FGGY: variants seen among roughly 807,000 people sequenced by gnomAD.
The protein encoded by FGGY is FGGY carbohydrate kinase domain containing.
A neutral mutation model predicts 71.3 loss-of-function variants in FGGY; 72 were observed. That is an observed-to-expected ratio of 1.01 (90% CI 0.84 to 1.23). The LOEUF is 1.23. Among genes scored for constraint, FGGY ranks in the 50% most tolerant of loss-of-function variants. The pLI is 0.00. For missense variants in FGGY, 668 were observed against 682.3 expected (o/e 0.98, Z 0.23); for synonymous variants, 251 against 250.3 (o/e 1.00, Z -0.02).
chr1:59,465,442 G>C (rs1443458445), intron 6 of FGGY, among the ~76,000 whole-genome samples: 2 of 152,040 alleles, frequency 1.3e-5, no homozygotes, highest in Non-Finnish European at 2.9e-5. Flanking sequence ...TTGGAAAACT[G>C]GCACAAGACA....
chr1:59,522,388 G>A (rs555734088), intron 7 of FGGY, among the ~76,000 whole-genome samples: 2 of 152,142 alleles, frequency 1.3e-5, no homozygotes, highest in South Asian at 2.1e-4. Flanking sequence ...CCTTCTGGAC[G>A]TTTGTAGATC....
At chr1:59,456,600 C>A (rs1191012586) in intron 5 of FGGY, among the ~76,000 whole-genome samples, 1 of 152,076 alleles carries the variant, frequency 6.6e-6, no homozygotes, top group Non-Finnish European at 1.5e-5. Flanking sequence ...AGGCATCCAC[C>A]ACCAAGCCTG....
intron 7 of FGGY, among the ~76,000 whole-genome samples, chr1:59,539,385 A>T (rs1172219618): frequency 1.3e-5 from 2 of 152,208 alleles, no homozygotes; most frequent in Non-Finnish European, 2.9e-5. Context: ...AGTAATTAAG[A>T]ATGGTATTGA....
At chr1:59,383,304 GT>G (rs1406773273) in intron 5 of FGGY, among the ~76,000 whole-genome samples, 1 of 152,102 alleles carries the variant, frequency 6.6e-6, no homozygotes, top group Non-Finnish European at 1.5e-5. Context: ...ATATGATCAG[GT>G]AACTTTGGAC....
At chr1:59,534,651 G>A (rs1359310655) in intron 7 of FGGY, among the ~76,000 whole-genome samples, 2 of 152,118 alleles carry the variant, frequency 1.3e-5, no homozygotes, top group African/African-American at 4.8e-5. Flanking sequence ...AACTCTACAA[G>A]CCAGAAGAGA....
chr1:59,354,226 C>T (rs2053849307), intron 4 of FGGY, among the ~76,000 whole-genome samples: 1 of 152,128 alleles, frequency 6.6e-6, no homozygotes, highest in Non-Finnish European at 1.5e-5. Flanking sequence ...TACAGGCACA[C>T]ACCACCATGC....
At chr1:59,620,363 T>G (rs1260652480) in intron 9 of FGGY, among the ~76,000 whole-genome samples, 3 of 151,978 alleles carry the variant, frequency 2.0e-5, no homozygotes, top group Non-Finnish European at 4.4e-5. Context: ...TTTTCTTTCT[T>G]CCACTCCTAG....
rs148594115 is a variant in FGGY at position 59,723,238 on chromosome 1, C to G, written c.1513-34693C>G. ...AAGGAAATGTGTATGTACCCTAACC[C>G]ATGTATATACCCATATCTATAAATA... is the stretch of plus-strand genomic sequence containing the variant. On this transcript the variant is annotated intron_variant, in intron 14 of 15. Transcript: ENST00000303721. 1.2e-4 allele frequency among the ~76,000 whole-genome samples: 19 copies of G among 152,270 alleles called. 1 individual carries two copies. Among genetic ancestry groups the G allele is most frequent in the African/African-American group, 4.6e-4 (19 of 41,538 alleles).
chr1:59,695,299 C>T (rs535761600), intron 14 of FGGY, among the ~76,000 whole-genome samples: 36 of 152,040 alleles, frequency 2.4e-4, no homozygotes, highest in Non-Finnish European at 2.2e-4. Context: ...GCCATGACAC[C>T]GGGAGCAGCG....
intron 11 of FGGY, among the ~76,000 whole-genome samples, chr1:59,638,648 A>G (rs924363586): frequency 9.9e-5 from 15 of 152,200 alleles, no homozygotes; most frequent in Non-Finnish European, 1.5e-4. Context: ...AGTCATGCCT[A>G]TGTAATTTTG....
At chr1:59,614,460 A>G (rs2096727768) in intron 9 of FGGY, among the ~76,000 whole-genome samples, 2 of 152,206 alleles carry the variant, frequency 1.3e-5, no homozygotes, top group Admixed American at 6.5e-5. Context: ...CCCTCATGCT[A>G]AAAACTCTCA....
intron 12 of FGGY, among the ~76,000 whole-genome samples, chr1:59,663,853 C>T (rs1389520493): frequency 6.6e-6 from 1 of 152,154 alleles, no homozygotes; most frequent in East Asian, 1.9e-4. Flanking sequence ...AATGTTGTTT[C>T]ATTAGCCCTG....
chr1:59,495,024 G>A (rs2093988865), intron 6 of FGGY, among the ~76,000 whole-genome samples: 1 of 152,086 alleles, frequency 6.6e-6, no homozygotes, highest in African/African-American at 2.4e-5. Flanking sequence ...GTTATCTTCT[G>A]ACTTTTTAAT....
At chr1:59,630,528 T>A (rs2096899072) in intron 10 of FGGY, among the ~76,000 whole-genome samples, 1 of 152,202 alleles carries the variant, frequency 6.6e-6, no homozygotes, top group Non-Finnish European at 1.5e-5. Context: ...AATGATACCC[T>A]ACTTACTTCA....
intron 2 of FGGY, among the ~76,000 whole-genome samples, chr1:59,336,230 A>G (rs966041309): frequency 6.6e-6 from 1 of 152,136 alleles, no homozygotes; most frequent in African/African-American, 2.4e-5. Flanking sequence ...ACTGTCAAAT[A>G]GTCTGTCCTT....
At chr1:59,544,429 A>T (rs1366999661) in intron 7 of FGGY, among the ~76,000 whole-genome samples, 1 of 152,126 alleles carries the variant, frequency 6.6e-6, no homozygotes, top group East Asian at 1.9e-4. Flanking sequence ...GAGTACAGGG[A>T]GGGCACCTCT....
chr1:59,745,250 A>G lies in FGGY; in HGVS notation c.1513-12681A>G, dbSNP rs1047139153. ...AGAATATCTAGGCCCCACTACCAAA[A>G]TGGCTCTCGCTTAGAAGAATTGGAG... On this transcript the variant is annotated intron_variant, in intron 14 of 15. Transcript: ENST00000303721. Among the ~76,000 whole-genome samples, 3 of 152,190 alleles carry G rather than the reference A, an allele frequency of 2.0e-5. No homozygotes were observed. In the East Asian group the frequency reaches 5.8e-4, roughly 29 times the overall value.
intron 8 of FGGY, among the ~76,000 whole-genome samples, chr1:59,593,665 ATAT>A (rs1173306483): frequency 1.3e-5 from 2 of 152,206 alleles, no homozygotes; most frequent in African/African-American, 4.8e-5. Flanking sequence ...CTTCAAGCTG[ATAT>A]TATACTAAGA....
intron 6 of FGGY, among the ~76,000 whole-genome samples, chr1:59,473,476 C>G (rs1353875556): frequency 6.6e-6 from 1 of 152,174 alleles, no homozygotes; most frequent in Non-Finnish European, 1.5e-5. Flanking sequence ...ACCAAGAACC[C>G]AGCAATTCTG....
Sources: gnomAD v4.1 joint callset for allele counts (sites outside exome capture counted in the v4.1 genomes callset) on GRCh38, gnomAD v4.1.1 for gene constraint, MANE v1.5 for transcripts, NCBI Gene and HGNC (gene_info 2026-07-23, HGNC 2026-07-21) for gene names.